Variants in DNAJC10 observed in about 807,000 individuals in gnomAD.
DNAJC10 encodes endoplasmic reticulum disulfide reductase DNAJC10.
DNAJC10 carries 101 observed loss-of-function variants against 115.0 expected under a neutral mutation model. The ratio of observed to expected loss-of-function variants is 0.88; its 90% confidence interval spans 0.75 to 1.04. DNAJC10 has a LOEUF of 1.04. Among genes scored for constraint, DNAJC10 ranks in the 50% least tolerant of loss-of-function variants. The pLI is 0.00. For synonymous variants in DNAJC10, 307 were observed against 301.5 expected (o/e 1.02, Z -0.19); for missense variants, 981 against 928.8 (o/e 1.06, Z -0.73).
intron 14 of DNAJC10, among the ~76,000 whole-genome samples, chr2:182,750,749 TA>T (rs1472568706): frequency 6.6e-6 from 1 of 152,196 alleles, no homozygotes; most frequent in Non-Finnish European, 1.5e-5. Context: ...TTTGTGTATC[TA>T]AATGTATCTA....
At chr2:182,773,467 A>C (rs534611735) in intron 22 of DNAJC10, among the ~76,000 whole-genome samples, 1 of 152,254 alleles carries the variant, frequency 6.6e-6, no homozygotes, top group South Asian at 2.1e-4. Flanking sequence ...CAAGTACACC[A>C]ATCAAACAGA....
At chr2:182,773,560 C>T (rs555800723) in intron 22 of DNAJC10, among the ~76,000 whole-genome samples, 5 of 152,076 alleles carry the variant, frequency 3.3e-5, no homozygotes, top group Non-Finnish European at 4.4e-5. Flanking sequence ...TTTGTCTTCT[C>T]GCTTTATTTC....
chr2:182,774,891 G>A (rs1324397876), intron 22 of DNAJC10, among the ~76,000 whole-genome samples: 1 of 152,220 alleles, frequency 6.6e-6, no homozygotes, highest in Non-Finnish European at 1.5e-5. Flanking sequence ...GTCCCAATGA[G>A]AAGAACCAGA....
In DNAJC10 at chr2:182,786,746, G is replaced by C. The variant is rs186154912; in HGVS notation, c.*9614G>C. The stretch of plus-strand genomic sequence containing the variant: ...CTCAGCACACATCAGATTTCACACC[G>C]ATCTATGAAAAACTATTTTTAGAGA... On this transcript the variant is annotated 3_prime_UTR_variant, in exon 24 of 24. Coordinates refer to ENST00000264065, the MANE Select transcript of DNAJC10 (RefSeq NM_018981.4). The C allele has an allele frequency of 6.6e-6, 1 of 152,048 alleles. No homozygotes were observed. The highest frequency in any genetic ancestry group is 1.5e-5 in the Non-Finnish European group (1 of 68,026). The allele number at this position is 152,048 out of a possible 1,614,324, so 9.4% of individuals were successfully genotyped here.
Position 182,788,844 on chromosome 2 carries a change from A to C in DNAJC10, c.*11712A>C. ...TGTCTACGGATTTTTTGGGGAAGAG[A>C]GATTTCACGTTAAAGGTCATTTTGT... On this transcript the variant is annotated 3_prime_UTR_variant, in exon 24 of 24. Coordinates refer to ENST00000264065, the MANE Select transcript of DNAJC10 (RefSeq NM_018981.4). 2.2e-6 allele frequency: 1 copy of C among 455,914 alleles called. No individual in the cohort carries two copies. The highest frequency in any genetic ancestry group is 4.4e-6 in the Non-Finnish European group (1 of 226,628). 28.2% of individuals were successfully genotyped at this position (455,914 alleles called of 1,614,324 possible).
At chr2:182,771,362 C>CCGAAT (rs1266588514) in intron 22 of DNAJC10, among the ~76,000 whole-genome samples, 1 of 151,870 alleles carries the variant, frequency 6.6e-6, no homozygotes, top group Non-Finnish European at 1.5e-5. Context: ...AGGGAGGATT[C>CCGAAT]CCTCTGTTTC....
chr2:182,716,655 C>T (rs879904360), intron 1 of DNAJC10, among the ~76,000 whole-genome samples, 172 bp downstream of exon 1: 3 of 152,208 alleles, frequency 2.0e-5, no homozygotes, highest in Non-Finnish European at 2.9e-5. Context: ...TCACACCACC[C>T]TTCCTCTGCC....
Position 182,751,760 on chromosome 2 carries a change from C to A in DNAJC10, c.1409C>A (p.Pro470Gln). 1 of 1,613,730 alleles carries A rather than the reference C, an allele frequency of 6.2e-7. No homozygotes were observed. The highest frequency in any genetic ancestry group is 1.3e-5 in the African/African-American group (1 of 75,046). ...AATTTTCCTGCCAATGACAAAGAACCATGGCTTGTTGATTTCTTTGCCCCC... is the reference window on the plus strand; with the variant it reads ...AATTTTCCTGCCAATGACAAAGAACAATGGCTTGTTGATTTCTTTGCCCCC... ...PQNFPANDKE[P>Q]WLVDFFAPWC... The change falls in exon 15 of 24, where the codon CCA becomes CAA. Residue 470 changes from proline to glutamine, a missense_variant. Physicochemically the swap from Pro to Gln is moderately conservative, Grantham distance 76. Coordinates refer to ENST00000264065, the MANE Select transcript of DNAJC10 (RefSeq NM_018981.4).
intron 5 of DNAJC10, among the ~76,000 whole-genome samples, chr2:182,723,062 C>T (rs1195502259): frequency 7.1e-5 from 6 of 85,090 alleles, no homozygotes; most frequent in Admixed American, 5.0e-4. Flanking sequence ...TTTTTTGAGA[C>T]GGAGTCTTGC....
At position 182,721,877 on chromosome 2, in the gene DNAJC10, T is replaced by G. The variant is rs548826879; in HGVS notation, c.368-148T>G. ...TACTGATAGTATTATTTACTTTTTT[T>G]TCACTTAGGATGTTGCATATTCTCT... On this transcript the variant is annotated intron_variant, in intron 4 of 23. Coordinates refer to ENST00000264065, the MANE Select transcript of DNAJC10 (RefSeq NM_018981.4). The G allele has an allele frequency of 8.4e-6, 4 of 475,778 alleles. No individual in the cohort carries two copies. In the East Asian group the frequency reaches 1.5e-4, roughly 18 times the overall value. 29.5% of individuals were successfully genotyped at this position (475,778 alleles called of 1,614,324 possible). A position where few individuals can be genotyped will look rare whatever the true frequency, so the allele number is the denominator to read the frequency against.
At chr2:182,720,229 T>A in intron 4 of DNAJC10, 60 bp downstream of exon 4, 2 of 1,370,308 alleles carry the variant, frequency 1.5e-6, no homozygotes, top group South Asian at 2.5e-5. Flanking sequence ...AAAAGTGAAT[T>A]CTGTTTCACC....
intron 19 of DNAJC10, 31 bp from the exon 20 acceptor site, chr2:182,758,806 T>C (rs773818200): frequency 1.3e-6 from 2 of 1,496,376 alleles, no homozygotes; most frequent in East Asian, 2.3e-5. Context: ...TAGAGAATCC[T>C]ATTTACAACT....
chr2:182,735,995 A>G (rs1693574671), intron 10 of DNAJC10, among the ~76,000 whole-genome samples: 1 of 152,142 alleles, frequency 6.6e-6, no homozygotes, highest in Non-Finnish European at 1.5e-5. Context: ...AAAGAATTAT[A>G]AAAAGTAGAT....
At chr2:182,749,501 T>C (rs945344578) in intron 14 of DNAJC10, among the ~76,000 whole-genome samples, 17 of 150,140 alleles carry the variant, frequency 1.1e-4, no homozygotes, top group Admixed American at 1.0e-3. Context: ...TTGTTTTCCA[T>C]TTGCTTGGTA....
At chr2:182,721,915 T>C in intron 4 of DNAJC10, 110 bp from the exon 5 acceptor site, 1 of 591,918 alleles carries the variant, frequency 1.7e-6, no homozygotes, top group Non-Finnish European at 2.9e-6. Context: ...GTTTGAGATA[T>C]AATATAGTAG....
Position 182,741,309 on chromosome 2 carries a change from C to A in DNAJC10, c.1144C>A (p.Pro382Thr). Residue 382 changes from proline to threonine, a missense_variant, in exon 13 of 24, where the codon CCT (proline) becomes ACT (threonine). Physicochemically the swap from Pro to Thr is conservative, Grantham distance 38. Transcript: ENST00000264065. The stretch of plus-strand genomic sequence containing the variant: ...TGGAAAAAATGAAAATTCAAATGAT[C>A]CTGAGCTGAAAAAACTAAAAACTCT... ...HFGKNENSND[P>T]ELKKLKTLLK... 11 of 1,601,798 alleles carry A rather than the reference C, an allele frequency of 6.9e-6. No homozygotes were observed. Among genetic ancestry groups the A allele is most frequent in the Non-Finnish European group, 8.5e-6 (10 of 1,175,540 alleles).
In DNAJC10 at chr2:182,779,451, A is replaced by G. The variant is rs916753068; in HGVS notation, c.*2319A>G. On this transcript the variant is annotated 3_prime_UTR_variant, in exon 24 of 24. Coordinates refer to ENST00000264065, the MANE Select transcript of DNAJC10 (RefSeq NM_018981.4). ...CTTGGAAATTAGGTCCATTTAAAGT[A>G]TGTGGCTTACAGTCAGGTATGGTGG... The G allele has an allele frequency of 1.1e-4, 16 of 152,182 alleles. No individual in the cohort carries two copies. Among genetic ancestry groups the G allele is most frequent in the Admixed American group, 3.3e-4 (5 of 15,270 alleles). 9.4% of individuals were successfully genotyped at this position (152,182 alleles called of 1,614,324 possible).
chr2:182,754,438 T>G (rs1002804057), intron 16 of DNAJC10, among the ~76,000 whole-genome samples: 1 of 152,178 alleles, frequency 6.6e-6, no homozygotes, highest in African/African-American at 2.4e-5. Context: ...GTGCCCATTT[T>G]AATTCTGAGA....
intron 10 of DNAJC10, among the ~76,000 whole-genome samples, chr2:182,735,502 T>C (rs1693561644): frequency 6.6e-6 from 1 of 152,056 alleles, no homozygotes; most frequent in Non-Finnish European, 1.5e-5. Flanking sequence ...TACATAGGTC[T>C]TGAGTTTCTT....
Sources: gnomAD v4.1 joint callset for allele counts (sites outside exome capture counted in the v4.1 genomes callset) on GRCh38, gnomAD v4.1.1 for gene constraint, MANE v1.5 for transcripts, NCBI Gene and HGNC (gene_info 2026-07-23, HGNC 2026-07-21) for gene names.